The following NAF1 variants were observed in gnomAD, a reference collection of about 807,000 sequenced individuals.
NAF1 encodes nuclear assembly factor 1 ribonucleoprotein, also known as H/ACA ribonucleoprotein complex non-core subunit NAF1.
In NAF1, 11 loss-of-function variants were observed where a neutral mutation model predicts 40.6. That is an observed-to-expected ratio of 0.27 (90% CI 0.17 to 0.45). The LOEUF (loss-of-function observed/expected upper bound fraction) is 0.45, where lower values mean the gene tolerates loss of function less well. NAF1 is among the 20% of genes least tolerant of loss of function. NAF1 has a pLI of 1.00. For synonymous variants in NAF1, 260 were observed against 228.5 expected (o/e 1.14, Z -1.24); for missense variants, 607 against 611.1 (o/e 0.99, Z 0.07).
chr4:163,109,392 T>A (rs1188749217), downstream of NAF1, among the ~76,000 whole-genome samples: 1 of 152,126 alleles, frequency 6.6e-6, no homozygotes, highest in Non-Finnish European at 1.5e-5. Flanking sequence ...TAATATTATC[T>A]ACCTATGCTA....
At position 163,164,349 on chromosome 4, in the gene NAF1, TGAA is replaced by T. The variant is rs779179279; in HGVS notation, c.405_407del (p.Ser145del). 1 of 1,596,706 alleles carries T rather than the reference TGAA, an allele frequency of 6.3e-7. No individual in the cohort carries two copies. Among genetic ancestry groups the T allele is most frequent in the Non-Finnish European group, 8.5e-7 (1 of 1,172,102 alleles). On this transcript the variant is annotated inframe_deletion, in exon 2 of 8. Transcript: ENST00000274054. ...AGGAAGAAGACGACGATGAGGAAGA[TGAA>T]GAGGAAGACGATGAACTTGAACTAT...
At position 163,115,631 on chromosome 4, in the gene NAF1, G is replaced by A. The variant is rs189164779; in HGVS notation, c.115-5341C>T. Among the ~76,000 whole-genome samples the A allele has an allele frequency of 1.0e-3, 156 of 152,238 alleles. 1 individual carries two copies. The highest frequency in any genetic ancestry group is 3.1e-3 in the African/African-American group (129 of 41,548). ...TTTCTTTAATTAAGTTTATTTGGAA[G>A]GTTGGGCAGTATTTTTGCAAATTTT... On this transcript the variant is annotated intron_variant, in intron 2 of 2. Transcript: ENST00000509434.
intron 2 of NAF1, among the ~76,000 whole-genome samples, chr4:163,114,168 C>G (rs543167692): frequency 2.0e-5 from 3 of 152,172 alleles, no homozygotes; most frequent in Admixed American, 6.5e-5. Flanking sequence ...ATTCAGGAAA[C>G]TGCATGTATC....
At position 163,117,900 on chromosome 4, in the gene NAF1, A is replaced by AT. The variant is rs143134222; in HGVS notation, c.115-7611dup. On this transcript the variant is annotated intron_variant, in intron 2 of 2. Transcript: ENST00000509434. Reference sequence around the variant, plus strand: ...AAATTTTGGTGTCATCTGAAGTTGAATTTTTTTAAGCAAATTTTATTATCC... The same window carrying AT: ...AAATTTTGGTGTCATCTGAAGTTGAATTTTTTTTAAGCAAATTTTATTATCC... Among the ~76,000 whole-genome samples, 50 of 152,218 alleles carry AT rather than the reference A, an allele frequency of 3.3e-4. No individual in the cohort carries two copies. In the East Asian group the frequency reaches 8.7e-3, roughly 26 times the overall value.
chr4:163,119,610 G>T (rs1730456554), intron 2 of NAF1: 1 of 152,132 alleles, frequency 6.6e-6, no homozygotes, highest in Non-Finnish European at 1.5e-5. Context: ...ACATCTCCAA[G>T]AAATGTGCAC....
At chr4:163,121,773 C>T (rs902174445), downstream of NAF1, among the ~76,000 whole-genome samples, 4 of 152,126 alleles carry the variant, frequency 2.6e-5, no homozygotes, top group African/African-American at 9.7e-5. Context: ...ATTCTAAATA[C>T]CCTGAGCAGG....
At chr4:163,132,363 C>T (rs1201186195) in intron 7 of NAF1, among the ~76,000 whole-genome samples, 3 of 152,148 alleles carry the variant, frequency 2.0e-5, no homozygotes, top group Non-Finnish European at 4.4e-5. Flanking sequence ...TAAATTCATG[C>T]CATGAAATGT....
intron 2 of NAF1, among the ~76,000 whole-genome samples, chr4:163,149,255 T>C (rs1450250096): frequency 6.6e-6 from 1 of 152,178 alleles, no homozygotes; most frequent in Non-Finnish European, 1.5e-5. Context: ...AAGGAAGCTT[T>C]TCCTCAAGAT....
chr4:163,148,564 T>C, intron 2 of NAF1, 130 bp from the exon 3 acceptor site: 1 of 608,220 alleles, frequency 1.6e-6, no homozygotes, highest in Non-Finnish European at 2.8e-6. Context: ...TCTTTAATGT[T>C]ATCATTTTAG....
chr4:163,112,124 C>CT (rs1272112980), intron 2 of NAF1, among the ~76,000 whole-genome samples: 1 of 149,998 alleles, frequency 6.7e-6, no homozygotes, highest in Non-Finnish European at 1.5e-5. Flanking sequence ...TGGGCCAAAG[C>CT]AAGGATAAAA....
intron 2 of NAF1, among the ~76,000 whole-genome samples, chr4:163,112,621 C>A (rs1002814812): frequency 3.3e-5 from 5 of 152,146 alleles, no homozygotes; most frequent in African/African-American, 1.2e-4. Context: ...GCACTTAGGG[C>A]TCTCCATAAG....
intron 2 of NAF1, among the ~76,000 whole-genome samples, chr4:163,150,845 TTTC>T (rs1381346341): frequency 6.6e-6 from 1 of 152,140 alleles, no homozygotes; most frequent in Non-Finnish European, 1.5e-5. Context: ...TACTGCTAAA[TTTC>T]TTCTTAAAAA....
chr4:163,151,212 C>G (rs75502317), intron 2 of NAF1, among the ~76,000 whole-genome samples: 1,596 of 151,850 alleles, frequency 0.011, 16 homozygotes, highest in Non-Finnish European at 0.017. Flanking sequence ...AGAAACTAAA[C>G]AATTTCAGTC....
chr4:163,125,470 C>T (rs1730629087), downstream of NAF1, among the ~76,000 whole-genome samples: 2 of 152,320 alleles, frequency 1.3e-5, no homozygotes, highest in South Asian at 2.1e-4. Flanking sequence ...GATAAAAGAT[C>T]AAACCAGTTA....
chr4:163,114,550 C>T (rs1056012344), intron 2 of NAF1, among the ~76,000 whole-genome samples: 1 of 152,142 alleles, frequency 6.6e-6, no homozygotes, highest in Non-Finnish European at 1.5e-5. Context: ...CGTGTTAAAC[C>T]AATCTCGTAT....
chr4:163,106,532 T>G (rs917475650), downstream of NAF1, among the ~76,000 whole-genome samples: 16 of 152,194 alleles, frequency 1.1e-4, no homozygotes, highest in African/African-American at 3.6e-4. Flanking sequence ...TTTTCTATAG[T>G]AATGAAAACT....
At chr4:163,131,742 T>C (rs974530870) in intron 7 of NAF1, among the ~76,000 whole-genome samples, 5 of 152,198 alleles carry the variant, frequency 3.3e-5, no homozygotes, top group Non-Finnish European at 7.3e-5. Flanking sequence ...CTAAAAACTT[T>C]AGTATTGCAA....
intron 2 of NAF1, among the ~76,000 whole-genome samples, chr4:163,115,363 C>A (rs559913739): frequency 6.6e-6 from 1 of 151,846 alleles, no homozygotes; most frequent in African/African-American, 2.4e-5. Flanking sequence ...CGCCCACCAC[C>A]GCGCCAGGCT....
chr4:163,120,319 A>C (rs1730479880), intron 2 of NAF1, among the ~76,000 whole-genome samples: 1 of 152,194 alleles, frequency 6.6e-6, no homozygotes, highest in Non-Finnish European at 1.5e-5. Flanking sequence ...AACACTACAC[A>C]CCACCATATC....
Sources: gnomAD v4.1 joint callset for allele counts (sites outside exome capture counted in the v4.1 genomes callset) on GRCh38, gnomAD v4.1.1 for gene constraint, MANE v1.5 for transcripts, NCBI Gene and HGNC (gene_info 2026-07-23, HGNC 2026-07-21) for gene names.